Variants in MGAT5 observed in about 807,000 individuals in gnomAD.
MGAT5 encodes alpha-1,6-mannosylglycoprotein 6-beta-N-acetylglucosaminyltransferase A.
Under a neutral mutation model 94.3 loss-of-function variants are expected in MGAT5, and 30 were observed. The ratio of observed to expected loss-of-function variants is 0.32; its 90% CI spans 0.24 to 0.43. MGAT5 has a LOEUF of 0.43. MGAT5 is among the 20% of genes least tolerant of loss of function. The pLI, the probability that MGAT5 is intolerant of heterozygous loss-of-function variation, is 1.00. For missense variants in MGAT5, 691 were observed against 905.5 expected (o/e 0.76, Z 3.04); for synonymous variants, 310 against 322.9 (o/e 0.96, Z 0.43).
chr2:134,226,187 C>T (rs1681052742), intron 1 of MGAT5, among the ~76,000 whole-genome samples: 1 of 152,214 alleles, frequency 6.6e-6, no homozygotes, highest in Admixed American at 6.5e-5. Flanking sequence ...ATCTTTAAAG[C>T]TTTTCCTTCC....
chr2:134,215,672 C>T (rs1156331023), intron 1 of MGAT5, among the ~76,000 whole-genome samples: 9 of 152,192 alleles, frequency 5.9e-5, no homozygotes, highest in Admixed American at 5.9e-4. Flanking sequence ...GTCAGCTAAA[C>T]TTCCTTGTAA....
At chr2:134,165,281 A>G (rs1687918787) in intron 1 of MGAT5, among the ~76,000 whole-genome samples, 1 of 152,224 alleles carries the variant, frequency 6.6e-6, no homozygotes, top group African/African-American at 2.4e-5. Context: ...TGTAAGTCCT[A>G]GTGGGGCTGG....
At chr2:134,275,629 G>C (rs1444235169) in intron 2 of MGAT5, among the ~76,000 whole-genome samples, 1 of 137,878 alleles carries the variant, frequency 7.3e-6, no homozygotes, top group Non-Finnish European at 1.5e-5. Flanking sequence ...TGTTGCTCAG[G>C]CCAGAATGCA....
chr2:134,355,444 C>G (rs1679673859), intron 9 of MGAT5, among the ~76,000 whole-genome samples: 1 of 152,116 alleles, frequency 6.6e-6, no homozygotes. Flanking sequence ...TTTGGGGATG[C>G]TTTTGTTATT....
intron 1 of MGAT5, among the ~76,000 whole-genome samples, chr2:134,238,966 A>C (rs1428184733): frequency 6.6e-6 from 1 of 152,112 alleles, no homozygotes; most frequent in East Asian, 1.9e-4. Context: ...CAACAACAAA[A>C]AAAGAAATAT....
intron 4 of MGAT5, among the ~76,000 whole-genome samples, chr2:134,320,274 G>C (rs1054268683): frequency 6.6e-6 from 1 of 152,136 alleles, no homozygotes; most frequent in Non-Finnish European, 1.5e-5. Context: ...AGGTTTGGGA[G>C]GGAAGTAACT....
intron 1 of MGAT5, among the ~76,000 whole-genome samples, chr2:134,207,077 A>G (rs1429229843): frequency 6.6e-6 from 1 of 152,210 alleles, no homozygotes; most frequent in Non-Finnish European, 1.5e-5. Flanking sequence ...GGAGGCTCTT[A>G]GAATCTGTTT....
At chr2:134,203,200 TC>T (rs1217396999) in intron 1 of MGAT5, among the ~76,000 whole-genome samples, 1 of 152,194 alleles carries the variant, frequency 6.6e-6, no homozygotes, top group Non-Finnish European at 1.5e-5. Flanking sequence ...AATTAGGTTA[TC>T]CCCATAGGTT....
chr2:134,354,831 A>G (rs567886851), intron 9 of MGAT5, among the ~76,000 whole-genome samples: 58 of 152,208 alleles, frequency 3.8e-4, no homozygotes, highest in Admixed American at 2.5e-3. Context: ...TCCTCCTTCT[A>G]GGCCCCCATT....
intron 10 of MGAT5, among the ~76,000 whole-genome samples, chr2:134,381,158 G>A (rs1361338781): frequency 6.6e-6 from 1 of 152,038 alleles, no homozygotes; most frequent in Non-Finnish European, 1.5e-5. Flanking sequence ...TGATTATAAT[G>A]ACTATTATAG....
intron 14 of MGAT5, among the ~76,000 whole-genome samples, chr2:134,439,885 G>C (rs1021862218): frequency 1.3e-5 from 2 of 152,210 alleles, no homozygotes; most frequent in Non-Finnish European, 2.9e-5. Flanking sequence ...AGACAAGGGA[G>C]GGACAGAAAC....
chr2:134,130,328 C>T (rs1026954674), intron 1 of MGAT5, among the ~76,000 whole-genome samples: 1 of 151,190 alleles, frequency 6.6e-6, no homozygotes, highest in Non-Finnish European at 1.5e-5. Context: ...CCCAGCCTCC[C>T]CTACGGGCAC....
chr2:134,286,079 A>C (rs1446828291), intron 2 of MGAT5, among the ~76,000 whole-genome samples: 1 of 152,186 alleles, frequency 6.6e-6, no homozygotes, highest in Admixed American at 6.5e-5. Context: ...CTGTGTGCCA[A>C]GCCACACATC....
intron 13 of MGAT5, 84 bp downstream of exon 13, chr2:134,423,003 C>A: frequency 2.1e-6 from 2 of 971,358 alleles, no homozygotes; most frequent in South Asian, 1.4e-5. Flanking sequence ...TTGTTTTTAG[C>A]AAACAGATCT....
At chr2:134,131,543 C>T (rs1026417339) in intron 1 of MGAT5, among the ~76,000 whole-genome samples, 13 of 146,994 alleles carry the variant, frequency 8.8e-5, no homozygotes, top group African/African-American at 3.2e-4. Flanking sequence ...GATGATGATA[C>T]ACGATAAATA....
At chr2:134,382,249 T>TC in intron 10 of MGAT5, among the ~76,000 whole-genome samples, 1 of 150,774 alleles carries the variant, frequency 6.6e-6, no homozygotes, top group East Asian at 2.0e-4. Flanking sequence ...CAATACCCTG[T>TC]CTAAAAAAAA....
chr2:134,130,062 A>G (rs1573709609), intron 1 of MGAT5, among the ~76,000 whole-genome samples: 1 of 152,052 alleles, frequency 6.6e-6, no homozygotes, highest in Non-Finnish European at 1.5e-5. Context: ...GGGGCTTAGC[A>G]CCCGTGCCAG....
At chr2:134,431,339 A>C (rs1339094668) in intron 14 of MGAT5, among the ~76,000 whole-genome samples, 1 of 152,158 alleles carries the variant, frequency 6.6e-6, no homozygotes, top group Non-Finnish European at 1.5e-5. Context: ...TTTCTTATTA[A>C]ACATTCTCCA....
At chr2:134,321,581 A>G (rs560802778) in intron 4 of MGAT5, among the ~76,000 whole-genome samples, 2 of 152,330 alleles carry the variant, frequency 1.3e-5, no homozygotes, top group Non-Finnish European at 2.9e-5. Context: ...GATGGATCAC[A>G]TATCACTTGC....
Sources: allele counts gnomAD v4.1 joint callset (sites outside exome capture counted in the v4.1 genomes callset), GRCh38; gene constraint gnomAD v4.1.1; transcripts MANE v1.5; gene names NCBI Gene and HGNC (gene_info 2026-07-23, HGNC 2026-07-21).